MARCHF1: variants seen among roughly 807,000 people sequenced by gnomAD.
The protein encoded by MARCHF1 is E3 ubiquitin-protein ligase MARCHF1.
In MARCHF1, 40 loss-of-function variants were observed where a neutral mutation model predicts 54.2. That is an observed-to-expected ratio of 0.74 (90% CI 0.57 to 0.96). The LOEUF (loss-of-function observed/expected upper bound fraction) is 0.96, where lower values mean the gene tolerates loss of function less well. Among genes scored for constraint, MARCHF1 ranks in the 40% least tolerant of loss-of-function variants. The pLI is 0.00. For missense variants in MARCHF1, 586 were observed against 656.5 expected, an observed-to-expected ratio of 0.89 and a Z score of 1.17; for synonymous variants, 236 against 236.3, an observed-to-expected ratio of 1.00 and a Z score of 0.01.
At chr4:163,637,237 T>G (rs1172033694) in intron 5 of MARCHF1, among the ~76,000 whole-genome samples, 2 of 152,072 alleles carry the variant, frequency 1.3e-5, no homozygotes, top group Non-Finnish European at 2.9e-5. Flanking sequence ...AAAGCCAAAA[T>G]TGACAAATGG....
rs150469124 is a variant in MARCHF1 at position 164,229,345 on chromosome 4, G to C, written c.-322-117683C>G. ...CTCTCTCTTTGGATCACTCATTCTA[G>C]GGAAAGTTAACTGCCCTCTCATAAG... On this transcript the variant is annotated intron_variant, in intron 1 of 9. Transcript: ENST00000514618. 1.6e-3 allele frequency among the ~76,000 whole-genome samples: 242 copies of C among 152,264 alleles called. 1 individual carries two copies. Among genetic ancestry groups the C allele is most frequent in the African/African-American group, 5.2e-3 (215 of 41,566 alleles).
intron 4 of MARCHF1, among the ~76,000 whole-genome samples, chr4:163,790,907 T>C (rs938668968): frequency 6.6e-6 from 1 of 152,162 alleles, no homozygotes; most frequent in Non-Finnish European, 1.5e-5. Context: ...CAAGTATTTA[T>C]GTCAGGAAGA....
rs144635614 is a variant in MARCHF1 at position 164,057,012 on chromosome 4, A to C, written c.-248+54576T>G. ...TAGGGAAGCGATCCAGGCACCAGGG[A>C]GTTCCTGTCACACCCCAGAAAGATA... On this transcript the variant is annotated intron_variant, in intron 2 of 9. Transcript: ENST00000514618. 3.0e-3 allele frequency among the ~76,000 whole-genome samples: 462 copies of C among 152,268 alleles called. 1 individual carries two copies. The highest frequency in any genetic ancestry group is 0.011 in the African/African-American group (441 of 41,544).
At chr4:163,798,890 G>T (rs1218091860) in intron 4 of MARCHF1, among the ~76,000 whole-genome samples, 1 of 151,932 alleles carries the variant, frequency 6.6e-6, no homozygotes, top group Non-Finnish European at 1.5e-5. Flanking sequence ...GAAAAAGAAG[G>T]AAAGTTACTT....
In MARCHF1 at chr4:164,329,444, A is replaced by G. The variant is rs868678265; in HGVS notation, c.-323+54426T>C. Among the ~76,000 whole-genome samples, 55 of 152,196 alleles carry G rather than the reference A, an allele frequency of 3.6e-4. No homozygotes were observed. In the Middle Eastern group the frequency reaches 0.01, roughly 28 times the overall value. ...AAAGAATGAATAAATGAAAAGACGG[A>G]AAAAAAAGGTCATGCTTATATCAAT... On this transcript the variant is annotated intron_variant, in intron 1 of 9. Coordinates refer to ENST00000514618, the MANE Select transcript of MARCHF1 (RefSeq NM_001394959.1).
intron 9 of MARCHF1, among the ~76,000 whole-genome samples, chr4:163,538,898 C>G (rs1217755430): frequency 6.6e-6 from 1 of 152,194 alleles, no homozygotes; most frequent in Non-Finnish European, 1.5e-5. Flanking sequence ...TGACACTGGT[C>G]TTGGTCATAT....
chr4:163,884,127 T>G (rs1283894703), intron 3 of MARCHF1, among the ~76,000 whole-genome samples: 1 of 152,106 alleles, frequency 6.6e-6, no homozygotes, highest in East Asian at 1.9e-4. Context: ...TTGTTAGAGG[T>G]GCTCAAACCA....
intron 1 of MARCHF1, among the ~76,000 whole-genome samples, chr4:164,164,402 C>G (rs1006674895): frequency 7.9e-5 from 12 of 151,616 alleles, no homozygotes; most frequent in African/African-American, 2.9e-4. Flanking sequence ...GACAAAATGG[C>G]ATAAGACACT....
At chr4:163,767,998 A>G (rs1445326677) in intron 4 of MARCHF1, among the ~76,000 whole-genome samples, 1 of 152,198 alleles carries the variant, frequency 6.6e-6, no homozygotes, top group Non-Finnish European at 1.5e-5. Context: ...GTCTCTGTAC[A>G]GAGATGGCCA....
chr4:163,671,801 C>T (rs1017342247), intron 5 of MARCHF1, among the ~76,000 whole-genome samples: 1 of 151,874 alleles, frequency 6.6e-6, no homozygotes, highest in African/African-American at 2.4e-5. Flanking sequence ...ATAAAATCCT[C>T]ATAGCAATCT....
chr4:163,554,887 AAT>A (rs974048073), intron 8 of MARCHF1, among the ~76,000 whole-genome samples: 1 of 152,210 alleles, frequency 6.6e-6, no homozygotes, highest in African/African-American at 2.4e-5. Context: ...TGCATATGTA[AAT>A]ATATATGAGC....
intron 2 of MARCHF1, among the ~76,000 whole-genome samples, chr4:164,050,031 T>TCGAGG (rs1754326653): frequency 6.6e-6 from 1 of 152,020 alleles, no homozygotes; most frequent in African/African-American, 2.4e-5. Context: ...TCCCAGCACT[T>TCGAGG]TGGGAGGCCG....
intron 2 of MARCHF1, among the ~76,000 whole-genome samples, chr4:164,047,918 T>TGAGAAATA (rs1373768127): frequency 6.6e-6 from 1 of 152,166 alleles, no homozygotes; most frequent in Non-Finnish European, 1.5e-5. Flanking sequence ...TGTAGCTCCA[T>TGAGAAATA]GAGAAATATT....
At chr4:164,106,806 G>A (rs1186334517) in intron 2 of MARCHF1, among the ~76,000 whole-genome samples, 3 of 151,302 alleles carry the variant, frequency 2.0e-5, no homozygotes, top group Admixed American at 2.0e-4. Context: ...TAAGCTGCCA[G>A]CCATTTACTC....
At chr4:163,987,225 T>C (rs1752886549) in intron 3 of MARCHF1, among the ~76,000 whole-genome samples, 1 of 152,226 alleles carries the variant, frequency 6.6e-6, no homozygotes, top group Non-Finnish European at 1.5e-5. Context: ...GAAGTTTCTT[T>C]ACAAAGATTT....
At chr4:164,040,518 AT>A (rs1238634565) in intron 2 of MARCHF1, among the ~76,000 whole-genome samples, 1 of 150,358 alleles carries the variant, frequency 6.7e-6, no homozygotes, top group Non-Finnish European at 1.5e-5. Flanking sequence ...AGTATATAGA[AT>A]TTAAAAAGAT....
chr4:164,162,941 G>A lies in MARCHF1; in HGVS notation c.-322-51279C>T, dbSNP rs1730278749. ...GTTTTACTGACAGCTAACTTCTCAA[G>A]AGCAACAGTGGAAGCCAGAAAATGA... On this transcript the variant is annotated intron_variant, in intron 1 of 9. Coordinates refer to ENST00000514618, the MANE Select transcript of MARCHF1 (RefSeq NM_001394959.1). Among the ~76,000 whole-genome samples the A allele has an allele frequency of 3.3e-5, 5 of 152,078 alleles. No individual in the cohort carries two copies. In the South Asian group the frequency reaches 1.0e-3, roughly 31 times the overall value.
At chr4:163,930,426 T>C (rs1464474276) in intron 3 of MARCHF1, among the ~76,000 whole-genome samples, 1 of 151,696 alleles carries the variant, frequency 6.6e-6, no homozygotes, top group Non-Finnish European at 1.5e-5. Context: ...GGTGAGGATG[T>C]TACCTTAGGA....
At chr4:163,783,258 G>A (rs1435232562) in intron 4 of MARCHF1, among the ~76,000 whole-genome samples, 1 of 152,100 alleles carries the variant, frequency 6.6e-6, no homozygotes, top group African/African-American at 2.4e-5. Context: ...ATATCACAAA[G>A]CCTAGGAAAT....
Sources: allele counts gnomAD v4.1 joint callset (sites outside exome capture counted in the v4.1 genomes callset), GRCh38; gene constraint gnomAD v4.1.1; transcripts MANE v1.5; gene names NCBI Gene and HGNC (gene_info 2026-07-23, HGNC 2026-07-21).